CFAP100: variants seen among roughly 807,000 people sequenced by gnomAD.
CFAP100 encodes cilia- and flagella-associated protein 100.
In CFAP100, 70 loss-of-function variants were observed where a neutral mutation model predicts 81.5. The observed-to-expected ratio is 0.86, with a 90% CI of 0.71 to 1.05. The LOEUF (loss-of-function observed/expected upper bound fraction) is 1.05. Among genes scored for constraint, CFAP100 ranks in the 50% least tolerant of loss-of-function variants. CFAP100 has a pLI of 0.00. For synonymous variants in CFAP100, 341 were observed against 314.8 expected (o/e 1.08, Z -0.88); for missense variants, 811 against 776.5 (o/e 1.04, Z -0.53).
At chr3:126,419,880 A>G (rs1417655944) in intron 9 of CFAP100, 62 bp downstream of exon 9, 1 of 1,610,438 alleles carries the variant, frequency 6.2e-7, no homozygotes, top group Admixed American at 1.7e-5. Context: ...TGCGACCCTG[A>G]GCCCAGCTGG....
Position 126,418,438 on chromosome 3 carries a change from C to T in CFAP100, c.419-20C>T, listed in dbSNP as rs768032652. 7.4e-6 allele frequency: 12 copies of T among 1,613,458 alleles called. No individual in the cohort carries two copies. Among genetic ancestry groups the T allele is most frequent in the South Asian group, 6.6e-5 (6 of 91,080 alleles). ...AGCCTGGGCTTCCCGCTCCTGCTCA[C>T]CTCCCTCTTCTTCCAGCAGAAAAGA... is the stretch of plus-strand genomic sequence containing the variant. On this transcript the variant is annotated intron_variant, in intron 5 of 16. Coordinates refer to ENST00000352312, the MANE Select transcript of CFAP100 (RefSeq NM_182628.3).
intron 11 of CFAP100, among the ~76,000 whole-genome samples, chr3:126,421,648 C>T (rs111294064): frequency 6.6e-6 from 1 of 152,234 alleles, no homozygotes. Context: ...CACCCTCTGT[C>T]TTCCCCTCTC....
At chr3:126,424,765 AT>A (rs2083384201) in intron 13 of CFAP100, among the ~76,000 whole-genome samples, 1 of 152,270 alleles carries the variant, frequency 6.6e-6, no homozygotes, top group African/African-American at 2.4e-5. Context: ...AAATAAAGCA[AT>A]TTGAGAAAGA....
At chr3:126,433,487 G>C (rs56124025) in intron 14 of CFAP100, 41 of 376,238 alleles carry the variant, frequency 1.1e-4, no homozygotes, top group East Asian at 4.7e-4. Context: ...GATCCTGAAG[G>C]GGGGGAAGAG....
At chr3:126,398,610 T>C (rs2082925538) in intron 2 of CFAP100, among the ~76,000 whole-genome samples, 1 of 152,218 alleles carries the variant, frequency 6.6e-6, no homozygotes, top group African/African-American at 2.4e-5. Flanking sequence ...GCCTTCCCCC[T>C]GCCAGTTCTG....
At position 126,419,129 on chromosome 3, in the gene CFAP100, T is replaced by C; in HGVS notation, c.704T>C (p.Leu235Pro). ...KIEKILEIRD[L>P]TTQIVNIKSE... ...GAGAAGATCCTTGAGATCCGGGACC[T>C]CACCACCCAGATTGTTAATATCAAA... Residue 235 changes from leucine to proline, a missense_variant, in exon 8 of 17, where the codon CTC becomes CCC. Leu to Pro is a moderately conservative substitution (Grantham distance 98). Transcript: ENST00000352312. 1 of 1,511,954 alleles carries C rather than the reference T, an allele frequency of 6.6e-7. No individual in the cohort carries two copies. The highest frequency in any genetic ancestry group is 8.9e-7 in the Non-Finnish European group (1 of 1,119,638). 93.7% of individuals were successfully genotyped at this position (1,511,954 alleles called of 1,614,324 possible). A position where few individuals can be genotyped will look rare whatever the true frequency, so the allele number is the denominator to read the frequency against.
intron 2 of CFAP100, among the ~76,000 whole-genome samples, chr3:126,398,873 G>A (rs1423169555): frequency 1.3e-5 from 2 of 152,192 alleles, no homozygotes; most frequent in Admixed American, 6.5e-5. Context: ...GCCATGAGAC[G>A]GAGGCGCCTG....
At position 126,434,071 on chromosome 3, in the gene CFAP100, G is replaced by A. The variant is rs1489234999; in HGVS notation, c.1423-105G>A. 1.3e-5 allele frequency: 12 copies of A among 936,998 alleles called. 1 individual carries two copies. In the South Asian group the frequency reaches 1.8e-4, roughly 14 times the overall value. The allele number at this position is 936,998 out of a possible 1,614,324, so 58.0% of individuals were successfully genotyped here. A position where few individuals can be genotyped will look rare whatever the true frequency, so the allele number is the denominator to read the frequency against. On this transcript the variant is annotated intron_variant, in intron 14 of 16. Transcript: ENST00000352312. ...TCTCAGAGCTCCCACTGTGTGCCAA[G>A]CGGTGGCCCCCACCCTGGGAGGTCA...
chr3:126,427,364 C>T (rs1331513290), intron 13 of CFAP100, among the ~76,000 whole-genome samples: 1 of 152,346 alleles, frequency 6.6e-6, no homozygotes, highest in East Asian at 1.9e-4. Flanking sequence ...GTACCGTACA[C>T]TCTGAGGTAA....
At chr3:126,420,448 A>G (rs2083312453) in intron 11 of CFAP100, among the ~76,000 whole-genome samples, 1 of 152,224 alleles carries the variant, frequency 6.6e-6, no homozygotes, top group African/African-American at 2.4e-5. Context: ...CATGGGAATT[A>G]AGGTTGAGGC....
intron 2 of CFAP100, among the ~76,000 whole-genome samples, chr3:126,397,933 G>A (rs750631742): frequency 2.6e-4 from 39 of 152,214 alleles, no homozygotes; most frequent in Non-Finnish European, 4.1e-4. Flanking sequence ...CATTCTAGGC[G>A]GCTGGCCAGG....
chr3:126,399,308 T>G (rs1390567886), intron 2 of CFAP100, among the ~76,000 whole-genome samples: 1 of 152,188 alleles, frequency 6.6e-6, no homozygotes, highest in Admixed American at 6.5e-5. Context: ...CCTGTTAGCC[T>G]GCAAGCTCTC....
intron 2 of CFAP100, among the ~76,000 whole-genome samples, chr3:126,398,537 C>A (rs1025533382): frequency 7.2e-5 from 11 of 152,244 alleles, no homozygotes; most frequent in Non-Finnish European, 1.0e-4. Flanking sequence ...GCACGTCCCC[C>A]ACAATGGGAG....
intron 13 of CFAP100, among the ~76,000 whole-genome samples, chr3:126,431,956 C>T (rs1342044465): frequency 1.3e-5 from 2 of 152,132 alleles, no homozygotes; most frequent in African/African-American, 4.8e-5. Flanking sequence ...CAGCATGTCC[C>T]TTGTGCATCT....
At chr3:126,414,485 A>C in intron 4 of CFAP100, 1 of 612,374 alleles carries the variant, frequency 1.6e-6, no homozygotes, top group Non-Finnish European at 2.9e-6. Flanking sequence ...GCCTGCGTGA[A>C]ATGCCATCCT....
intron 2 of CFAP100, among the ~76,000 whole-genome samples, chr3:126,403,083 G>A (rs1300453714): frequency 2.0e-5 from 3 of 152,170 alleles, no homozygotes; most frequent in South Asian, 4.1e-4. Flanking sequence ...AGGTTTCGCA[G>A]GAGGGGGAAG....
intron 2 of CFAP100, among the ~76,000 whole-genome samples, chr3:126,403,519 G>GGA (rs2083019222): frequency 6.6e-6 from 1 of 151,842 alleles, no homozygotes; most frequent in African/African-American, 2.4e-5. Flanking sequence ...AGAGTAGCTG[G>GGA]GATTACAGGT....
intron 3 of CFAP100, among the ~76,000 whole-genome samples, chr3:126,410,529 TCTCA>T (rs892787129): frequency 1.3e-5 from 2 of 151,964 alleles, no homozygotes; most frequent in African/African-American, 4.8e-5. Flanking sequence ...TGAAACAGGG[TCTCA>T]CTCTGTCACT....
rs1304926128 is a variant in CFAP100, at chr3:126,423,391, G to A, written c.1134+15G>A. 6 of 1,612,548 alleles carry A rather than the reference G, an allele frequency of 3.7e-6. No homozygotes were observed. Among genetic ancestry groups the A allele is most frequent in the Non-Finnish European group, 8.5e-7 (1 of 1,179,246 alleles). On this transcript the variant is annotated intron_variant, in intron 12 of 16. Coordinates refer to ENST00000352312, the MANE Select transcript of CFAP100 (RefSeq NM_182628.3). ...GCGATGGGGAGGTGAATGGCCCAGT[G>A]CTGGGCTGGAATTCGGAAGTCGCCC... is the stretch of plus-strand genomic sequence containing the variant.
Sources: allele counts gnomAD v4.1 joint callset (sites outside exome capture counted in the v4.1 genomes callset), GRCh38; gene constraint gnomAD v4.1.1; transcripts MANE v1.5; gene names NCBI Gene and HGNC (gene_info 2026-07-23, HGNC 2026-07-21).